Variants in CDC42BPB observed in about 807,000 individuals in gnomAD.
The protein encoded by CDC42BPB is serine/threonine-protein kinase MRCK beta.
In CDC42BPB, 37 loss-of-function variants were observed where a neutral mutation model predicts 214.9. That is an observed-to-expected ratio of 0.17 (90% confidence interval 0.13 to 0.23). CDC42BPB has a LOEUF of 0.23. CDC42BPB is among the 10% of genes least tolerant of loss of function. The pLI is 1.00. For missense variants in CDC42BPB, 1,694 were observed against 2,227.0 expected, an observed-to-expected ratio of 0.76 and a Z score of 4.82; for synonymous variants, 931 against 884.0, an observed-to-expected ratio of 1.05 and a Z score of -0.94.
At position 102,980,762 on chromosome 14, in the gene CDC42BPB, T is replaced by C. The variant is rs1357533339; in HGVS notation, c.1140+11A>G. 4.3e-6 allele frequency: 7 copies of C among 1,613,486 alleles called. No individual in the cohort carries two copies. The highest frequency in any genetic ancestry group is 5.1e-6 in the Non-Finnish European group (6 of 1,179,594). ...AGCCAGCAACCCTGAGAACGGTGCT[T>C]TCACACTCACCGTGTTTCTCAGCAC... On this transcript the variant is annotated intron_variant, in intron 8 of 36. Transcript: ENST00000361246.
At chr14:103,007,273 A>C (rs1735608986) in intron 3 of CDC42BPB, among the ~76,000 whole-genome samples, 1 of 152,206 alleles carries the variant, frequency 6.6e-6, no homozygotes, top group African/African-American at 2.4e-5. Context: ...GTGCCATAGC[A>C]GGGAAAGGGG....
intron 5 of CDC42BPB, among the ~76,000 whole-genome samples, chr14:102,988,456 T>C (rs532099750): frequency 3.9e-4 from 60 of 151,956 alleles, no homozygotes; most frequent in African/African-American, 1.1e-3. Flanking sequence ...CAAGTTGATA[T>C]TGATGCTCAT....
At chr14:103,005,167 CA>C (rs59904134) in intron 3 of CDC42BPB, among the ~76,000 whole-genome samples, 34,708 of 117,236 alleles carry the variant, frequency 0.3, 4,774 homozygotes, top group Middle Eastern at 0.41. Flanking sequence ...GACTCTGTCT[CA>C]AAAAAAAAAA....
At chr14:102,946,392 T>C (rs1284129384) in intron 28 of CDC42BPB, 76 bp downstream of exon 28, 1 of 1,492,402 alleles carries the variant, frequency 6.7e-7, no homozygotes, top group Admixed American at 1.8e-5. Context: ...TTCATCTGAT[T>C]TTCAGATGGG....
intron 3 of CDC42BPB, among the ~76,000 whole-genome samples, chr14:103,005,888 C>G (rs907223588): frequency 6.6e-6 from 1 of 151,608 alleles, no homozygotes; most frequent in African/African-American, 2.4e-5. Context: ...GGCGTGGTGG[C>G]GGGTGCCTGT....
At position 103,057,102 on chromosome 14, in the gene CDC42BPB, G is replaced by A. The variant is rs1268641532; in HGVS notation, c.72C>T (p.Ala24=). The change falls in exon 1 of 37, where the codon GCC becomes GCT. Residue 24 remains alanine (A), a synonymous_variant. Coordinates refer to ENST00000361246, the MANE Select transcript of CDC42BPB (RefSeq NM_006035.4). ...LLDGPWRNES[A]LSVETLLDVL... is the part of the protein sequence containing the mutation. ...CGTCGAGCAGCGTTTCCACGCTCAG[G>A]GCGCTCTCGTTGCGCCAGGGCCCGT... 6 of 1,524,886 alleles carry A rather than the reference G, an allele frequency of 3.9e-6. No individual in the cohort carries two copies. The highest frequency in any genetic ancestry group is 5.3e-6 in the Non-Finnish European group (6 of 1,141,070). 94.5% of individuals were successfully genotyped at this position (1,524,886 alleles called of 1,614,324 possible).
intron 1 of CDC42BPB, among the ~76,000 whole-genome samples, chr14:103,025,933 G>C (rs1278489976): frequency 1.3e-5 from 2 of 151,902 alleles, no homozygotes; most frequent in African/African-American, 4.8e-5. Flanking sequence ...CTCAGAAACA[G>C]ACACAACCCC....
chr14:102,993,618 T>C (rs1894597134), intron 5 of CDC42BPB, among the ~76,000 whole-genome samples: 1 of 152,136 alleles, frequency 6.6e-6, no homozygotes, highest in East Asian at 1.9e-4. Flanking sequence ...GCCCTTCCCC[T>C]ACCCTCCCCA....
rs147856620 is a variant in CDC42BPB, at chr14:103,039,474, A to G, written c.175+17525T>C. Among the ~76,000 whole-genome samples, 588 of 152,290 alleles carry G rather than the reference A, an allele frequency of 3.9e-3. 3 individuals carry two copies. The highest frequency in any genetic ancestry group is 0.012 in the African/African-American group (496 of 41,568). On this transcript the variant is annotated intron_variant, in intron 1 of 36. Coordinates refer to ENST00000361246, the MANE Select transcript of CDC42BPB (RefSeq NM_006035.4). ...CCAGGAATGTGAGGTTGGTTCAACA[A>G]ACAAAAACCAATTAATGCAATACAC... is the stretch of plus-strand genomic sequence containing the variant.
At chr14:102,960,838 G>A (rs1892925462) in intron 20 of CDC42BPB, among the ~76,000 whole-genome samples, 1 of 152,084 alleles carries the variant, frequency 6.6e-6, no homozygotes, top group African/African-American at 2.4e-5. Context: ...GTATGTCAGA[G>A]CAAATTTCAA....
rs1895124608 is a variant in CDC42BPB at position 103,004,129 on chromosome 14, T to TC, written c.352-107dup. On this transcript the variant is annotated intron_variant, in intron 3 of 36. Transcript: ENST00000361246. The surrounding 1 kb of genome is among the most constrained non-coding windows in gnomAD (Gnocchi z 5.3). ...TGGGACAGTGGCTCCAGCCACGGTG[T>TC]CCCTGCCTTCCGGGCTCCTCCTCGT... The TC allele has an allele frequency of 4.1e-5, 58 of 1,415,772 alleles. No homozygotes were observed. The highest frequency in any genetic ancestry group is 5.4e-5 in the Non-Finnish European group (58 of 1,079,396). The allele number at this position is 1,415,772 out of a possible 1,614,324, so 87.7% of individuals were successfully genotyped here. A position where few individuals can be genotyped will look rare whatever the true frequency, so the allele number is the denominator to read the frequency against.
Position 102,980,867 on chromosome 14 carries a change from T to C in CDC42BPB, c.1046A>G (p.Asn349Ser), listed in dbSNP as rs1248642512. 1 of 1,614,208 alleles carries C rather than the reference T, an allele frequency of 6.2e-7. No homozygotes were observed. The highest frequency in any genetic ancestry group is 1.1e-5 in the South Asian group (1 of 91,082). ...HAFFEGLNWENIRNLEAPYIP... is the reference protein window; with the variant it reads ...HAFFEGLNWESIRNLEAPYIP... ...ATAAGGTGCTTCTAGGTTTCGTATATTTTCCCAATTTAGACCTTCAAAAAA... is the reference window on the plus strand; with the variant it reads ...ATAAGGTGCTTCTAGGTTTCGTATACTTTCCCAATTTAGACCTTCAAAAAA... The change falls in exon 8 of 37, where the codon AAT (asparagine) becomes AGT (serine). Residue 349 changes from asparagine (N) to serine (S), a missense_variant. Physicochemically the swap from Asn to Ser is conservative, Grantham distance 46 (BLOSUM62 1). Around this residue, in one of 7 missense-constraint regions of CDC42BPB, gnomAD observed 225 missense variants for 459.3 expected, o/e 0.49. Coordinates refer to ENST00000361246, the MANE Select transcript of CDC42BPB (RefSeq NM_006035.4).
At position 103,012,188 on chromosome 14, in the gene CDC42BPB, G is replaced by A; in HGVS notation, c.176C>T (p.Ala59Val). Residue 59 changes from alanine (A) to valine (V), a missense_variant and splice_region_variant, in exon 2 of 37, where the codon GCT becomes GTT. Around this residue, in one of 7 missense-constraint regions of CDC42BPB, gnomAD observed 83 missense variants for 79.9 expected, o/e 1.04. Coordinates refer to ENST00000361246, the MANE Select transcript of CDC42BPB (RefSeq NM_006035.4). The stretch of plus-strand genomic sequence containing the variant: ...TTTCACCAGCTGTGTAAATGGTTTA[G>A]CTACAAGTAAAACAGTAAAACCAAC... ...DKYVAEFLEW[A>V]KPFTQLVKEM... The A allele has an allele frequency of 6.2e-7, 1 of 1,610,444 alleles. No individual in the cohort carries two copies. The highest frequency in any genetic ancestry group is 1.7e-4 in the Middle Eastern group (1 of 5,826).
At chr14:103,031,713 G>A (rs1449117413) in intron 1 of CDC42BPB, among the ~76,000 whole-genome samples, 1 of 152,132 alleles carries the variant, frequency 6.6e-6, no homozygotes, top group Non-Finnish European at 1.5e-5. Flanking sequence ...CAGCACCAAG[G>A]CCCAGCCTCT....
chr14:102,949,692 A>G, intron 26 of CDC42BPB, 73 bp downstream of exon 26: 1 of 1,587,382 alleles, frequency 6.3e-7, no homozygotes, highest in Non-Finnish European at 8.6e-7. Context: ...CTACTAAGGA[A>G]CACACCGTCC....
At chr14:103,031,277 A>C (rs114898052) in intron 1 of CDC42BPB, among the ~76,000 whole-genome samples, 1,543 of 152,190 alleles carry the variant, frequency 0.01, 26 homozygotes, top group African/African-American at 0.036. Flanking sequence ...GGATGTTTTC[A>C]CAGAAGACTT....
chr14:102,989,557 A>G (rs1894397355), intron 5 of CDC42BPB, among the ~76,000 whole-genome samples: 1 of 152,252 alleles, frequency 6.6e-6, no homozygotes, highest in Admixed American at 6.5e-5. Flanking sequence ...GGTAGTTCGC[A>G]GTATTATGCA....
chr14:102,944,736 G>A lies in CDC42BPB; in HGVS notation c.3812-249C>T, dbSNP rs1892072781. ...GGCAGCCTCGGGGGCTGGTCCAAAGGCTCCTCTGCCTCTGCTGCTGTGCAC... is the reference window on the plus strand; with the variant it reads ...GGCAGCCTCGGGGGCTGGTCCAAAGACTCCTCTGCCTCTGCTGCTGTGCAC... On this transcript the variant is annotated intron_variant, in intron 29 of 36. Coordinates refer to ENST00000361246, the MANE Select transcript of CDC42BPB (RefSeq NM_006035.4). The surrounding 1 kb of genome is among the most constrained non-coding windows in gnomAD (Gnocchi z 6.6). 1 of 904,850 alleles carries A rather than the reference G, an allele frequency of 1.1e-6. No homozygotes were observed. Among genetic ancestry groups the A allele is most frequent in the South Asian group, 5.1e-5 (1 of 19,666 alleles). The allele number at this position is 904,850 out of a possible 1,614,324, so 56.1% of individuals were successfully genotyped here.
Position 102,968,342 on chromosome 14 carries a change from C to T in CDC42BPB, c.2257G>A (p.Glu753Lys). Residue 753 changes from glutamate (E) to lysine (K), a missense_variant, in exon 16 of 37, where the codon GAG becomes AAG. Glu to Lys is a moderately conservative substitution (Grantham distance 56, BLOSUM62 1). Around this residue, in one of 7 missense-constraint regions of CDC42BPB, gnomAD observed 462 missense variants for 513.5 expected, o/e 0.90. Coordinates refer to ENST00000361246, the MANE Select transcript of CDC42BPB (RefSeq NM_006035.4). Reference sequence around the variant, plus strand: ...TTATCTTTTATTGTACCTACTGCCTCCTCCATCTCGTTATGCCTGCCAAGG... The same window carrying T: ...TTATCTTTTATTGTACCTACTGCCTTCTCCATCTCGTTATGCCTGCCAAGG... Reference protein sequence around the residue: ...SKRERHNEMEEAVGTIKDKYE... With the variant: ...SKRERHNEMEKAVGTIKDKYE... 6.2e-7 allele frequency: 1 copy of T among 1,614,066 alleles called. No individual in the cohort carries two copies. The highest frequency in any genetic ancestry group is 8.5e-7 in the Non-Finnish European group (1 of 1,179,988).
Sources: allele counts gnomAD v4.1 joint callset (sites outside exome capture counted in the v4.1 genomes callset), GRCh38; gene constraint gnomAD v4.1.1; regional missense constraint gnomAD v4.1.1; non-coding constraint Gnocchi (gnomAD v3.1); transcripts MANE v1.5; gene names NCBI Gene and HGNC (gene_info 2026-07-23, HGNC 2026-07-21).